ESRRB: variants seen among roughly 807,000 people sequenced by gnomAD.
The protein encoded by ESRRB is steroid hormone receptor ERR2.
A neutral mutation model predicts 46.0 loss-of-function variants in ESRRB; 16 were observed. That is an observed-to-expected ratio of 0.35 (90% CI 0.24 to 0.53). ESRRB has a LOEUF of 0.53. ESRRB is among the 20% of genes least tolerant of loss of function. The pLI, the probability that ESRRB is intolerant of heterozygous loss-of-function variation, is 0.93. For synonymous variants in ESRRB, 246 were observed against 259.6 expected (o/e 0.95, Z 0.50); for missense variants, 488 against 607.4 (o/e 0.80, Z 2.07).
intron 5 of ESRRB, among the ~76,000 whole-genome samples, chr14:76,488,856 A>C (rs1336081156): frequency 1.3e-5 from 2 of 152,068 alleles, no homozygotes; most frequent in Admixed American, 6.6e-5. Flanking sequence ...CATTTGCTGT[A>C]GCTCTTCTTA....
In ESRRB at chr14:76,376,407, C is replaced by T; in HGVS notation, c.6C>T (p.Asp2=). The part of the protein sequence containing the change: M[D]VSELCIPDPL... Reference sequence around the variant, plus strand: ...GGAATGCTAAAACGGGACTGATGGACGTGTCCGAACTCTGCATCCCGGACC... The same window carrying T: ...GGAATGCTAAAACGGGACTGATGGATGTGTCCGAACTCTGCATCCCGGACC... The change falls in exon 1 of 7, where the codon GAC becomes GAT. Residue 2 remains aspartate, a synonymous_variant. Transcript: ENST00000644823. This position sits in a 1 kb window ranked among gnomAD's most constrained non-coding sequence, Gnocchi z 4.1. 8.1e-7 allele frequency: 1 copy of T among 1,231,690 alleles called. No individual in the cohort carries two copies. Among genetic ancestry groups the T allele is most frequent in the Non-Finnish European group, 1.0e-6 (1 of 987,946 alleles). 76.3% of individuals were successfully genotyped at this position (1,231,690 alleles called of 1,614,324 possible).
intron 6 of ESRRB, among the ~76,000 whole-genome samples, chr14:76,494,587 G>A (rs144051226): frequency 1.4e-4 from 22 of 152,308 alleles, no homozygotes; most frequent in Non-Finnish European, 2.5e-4. Flanking sequence ...GATTGCGGGC[G>A]TGAGTCACTG....
chr14:76,462,458 T>A (rs1220025213), intron 2 of ESRRB, 87 bp from the exon 3 acceptor site: 10 of 999,210 alleles, frequency 1.0e-5, no homozygotes, highest in Non-Finnish European at 1.6e-5. Flanking sequence ...TCTGGCAAAT[T>A]AAAATCCCCA....
intron 2 of ESRRB, among the ~76,000 whole-genome samples, chr14:76,449,912 T>G (rs568664980): frequency 6.2e-4 from 95 of 152,202 alleles, no homozygotes; most frequent in Non-Finnish European, 4.9e-4. Context: ...TGCACCACCA[T>G]GCCCGGCTAA....
Position 76,347,804 on chromosome 14 carries a change from A to G in ESRRB, c.2+36888A>G, listed in dbSNP as rs1884268637. 5.8e-5 allele frequency among the ~76,000 whole-genome samples: 2 copies of G among 34,680 alleles called. 1 individual carries two copies. Among genetic ancestry groups the G allele is most frequent in the South Asian group, 2.8e-3 (2 of 716 alleles). The allele number at this position is 34,680 out of a possible 152,430, so 22.8% of individuals were successfully genotyped here. A position where few individuals can be genotyped will look rare whatever the true frequency, so the allele number is the denominator to read the frequency against. On this transcript the variant is annotated intron_variant, in intron 1 of 6. Transcript: ENST00000512784. ...AACAGTTCAGGAGACTCCTCACCCC[A>G]CTGAGTCACCAACCAGTCAGATCAC...
chr14:76,354,706 C>CTTTTTTTT (rs59146659), intron 1 of ESRRB, among the ~76,000 whole-genome samples: 1 of 111,442 alleles, frequency 9.0e-6, no homozygotes, highest in African/African-American at 3.3e-5. Flanking sequence ...AGGTCCTGGG[C>CTTTTTTTT]TTTTTTTTTT....
intron 1 of ESRRB, among the ~76,000 whole-genome samples, chr14:76,427,295 A>T (rs1887243687): frequency 6.6e-6 from 1 of 152,122 alleles, no homozygotes; most frequent in South Asian, 2.1e-4. Flanking sequence ...AGGAAGGCAG[A>T]TATAGGATGT....
In ESRRB at chr14:76,497,201, G is replaced by A. The variant is rs139158270; in HGVS notation, c.1121-1013G>A. Among the ~76,000 whole-genome samples the A allele has an allele frequency of 2.0e-5, 3 of 152,170 alleles. No homozygotes were observed. In the East Asian group the frequency reaches 5.8e-4, roughly 30 times the overall value. On this transcript the variant is annotated intron_variant, in intron 6 of 6. Transcript: ENST00000644823. ...GCTTCATCTCCCACCTGATGACGAA[G>A]GAGTGCTCACTGCCTTGGTAGCAGG... is the stretch of plus-strand genomic sequence containing the variant.
At chr14:76,420,741 G>A (rs1886921021) in intron 1 of ESRRB, among the ~76,000 whole-genome samples, 1 of 152,036 alleles carries the variant, frequency 6.6e-6, no homozygotes, top group Admixed American at 6.5e-5. Flanking sequence ...AGGGATGGAC[G>A]GTCCTTTTCA....
At chr14:76,494,964 C>T (rs758235519) in intron 6 of ESRRB, among the ~76,000 whole-genome samples, 5 of 152,126 alleles carry the variant, frequency 3.3e-5, no homozygotes, top group Non-Finnish European at 7.4e-5. Context: ...TCCTCAGTAC[C>T]GGACCACACC....
chr14:76,427,335 C>CTGTGTGTGTGTG (rs34441473), intron 1 of ESRRB, among the ~76,000 whole-genome samples: 1 of 148,894 alleles, frequency 6.7e-6, no homozygotes, highest in Non-Finnish European at 1.5e-5. Flanking sequence ...TCTGCAGGAG[C>CTGTGTGTGTGTG]TGTGTGTGTG....
At chr14:76,395,993 T>C (rs1281841032) in intron 1 of ESRRB, among the ~76,000 whole-genome samples, 2 of 151,874 alleles carry the variant, frequency 1.3e-5, no homozygotes, top group Non-Finnish European at 2.9e-5. Context: ...GCCAACATGG[T>C]GAAAGCCCGT....
intron 1 of ESRRB, among the ~76,000 whole-genome samples, chr14:76,314,286 T>C (rs1396354483): frequency 2.0e-5 from 3 of 152,198 alleles, no homozygotes; most frequent in Admixed American, 1.3e-4. Context: ...TGAAGTCAGC[T>C]GATTTGCTCA....
chr14:76,344,210 C>T (rs965947476), intron 1 of ESRRB, among the ~76,000 whole-genome samples: 2 of 152,204 alleles, frequency 1.3e-5, no homozygotes, highest in Non-Finnish European at 2.9e-5. Context: ...TAATGCCTGG[C>T]ATGTGTTATG....
chr14:76,310,980 C>CTCTG (rs1415712303), intron 1 of ESRRB: 1 of 84,846 alleles, frequency 1.2e-5, no homozygotes, highest in Non-Finnish European at 2.3e-5. Context: ...TGTCCCCTTT[C>CTCTG]TCTCTCTCTC....
intron 2 of ESRRB, among the ~76,000 whole-genome samples, chr14:76,458,473 C>T (rs1238873090): frequency 2.5e-5 from 2 of 79,332 alleles, no homozygotes; most frequent in Admixed American, 2.4e-4. Context: ...CACACACAAA[C>T]ACACACACAT....
intron 1 of ESRRB, among the ~76,000 whole-genome samples, chr14:76,389,506 G>A (rs1885380607): frequency 6.6e-6 from 1 of 152,204 alleles, no homozygotes; most frequent in African/African-American, 2.4e-5. Flanking sequence ...GAAGGGCCTG[G>A]GAAGAGGTAA....
chr14:76,311,472 T>C (rs1883732828), intron 1 of ESRRB, among the ~76,000 whole-genome samples: 1 of 152,180 alleles, frequency 6.6e-6, no homozygotes, highest in Non-Finnish European at 1.5e-5. Context: ...CAGTTTTCTA[T>C]AGCACCTTAA....
intron 1 of ESRRB, among the ~76,000 whole-genome samples, chr14:76,341,227 C>T (rs751943905): frequency 2.0e-5 from 3 of 152,350 alleles, no homozygotes; most frequent in East Asian, 1.9e-4. Flanking sequence ...GCACAGTCTT[C>T]GCTGAGTGCC....
Sources: allele counts gnomAD v4.1 joint callset (sites outside exome capture counted in the v4.1 genomes callset), GRCh38; gene constraint gnomAD v4.1.1; non-coding constraint Gnocchi (gnomAD v3.1); transcripts MANE v1.5; gene names NCBI Gene and HGNC (gene_info 2026-07-23, HGNC 2026-07-21).